Variants in MPP2 observed in about 807,000 individuals in gnomAD.
MPP2 encodes MAGUK p55 subfamily member 2.
A neutral mutation model predicts 58.5 loss-of-function variants in MPP2; 42 were observed. The observed-to-expected ratio is 0.72, with a 90% CI of 0.56 to 0.93. The LOEUF (loss-of-function observed/expected upper bound fraction) is 0.93, where lower values mean the gene tolerates loss of function less well. MPP2 is among the 40% of genes least tolerant of loss of function. The pLI, the probability that MPP2 is intolerant of heterozygous loss-of-function variation, is 0.00. For missense variants in MPP2, 632 were observed against 760.4 expected (o/e 0.83, Z 1.99); for synonymous variants, 300 against 307.8 (o/e 0.97, Z 0.26).
At chr17:43,892,367 T>C (rs2047642611) in intron 3 of MPP2, among the ~76,000 whole-genome samples, 1 of 152,252 alleles carries the variant, frequency 6.6e-6, no homozygotes, top group African/African-American at 2.4e-5. Flanking sequence ...CACAGTGCTT[T>C]GTCTATTAGG....
chr17:43,875,484 G>C lies in MPP2; in HGVS notation c.*2323C>G, dbSNP rs529125731. 1 of 152,424 alleles carries C rather than the reference G, an allele frequency of 6.6e-6. No individual in the cohort carries two copies. Among genetic ancestry groups the C allele is most frequent in the East Asian group, 1.9e-4 (1 of 5,188 alleles). The allele number at this position is 152,424 out of a possible 1,614,324, so 9.4% of individuals were successfully genotyped here. ...GGGCTGGGACTGAATATGGACAGTG[G>C]ATGGTAGGGTCCTCACTCTCTTGAG... On this transcript the variant is annotated 3_prime_UTR_variant, in exon 13 of 13. Transcript: ENST00000269095.
intron 3 of MPP2, among the ~76,000 whole-genome samples, chr17:43,897,616 G>A (rs1447280861): frequency 6.6e-6 from 1 of 152,138 alleles, no homozygotes; most frequent in East Asian, 1.9e-4. Context: ...TACACTTGAG[G>A]CTCAGCCTCA....
At position 43,903,254 on chromosome 17, in the gene MPP2, C is replaced by G. The variant is rs1334444707; in HGVS notation, c.31+1176G>C. 3.6e-5 allele frequency among the ~76,000 whole-genome samples: 5 copies of G among 140,444 alleles called. No homozygotes were observed. In the East Asian group the frequency reaches 1.0e-3, roughly 29 times the overall value. The allele number at this position is 140,444 out of a possible 152,430, so 92.1% of individuals were successfully genotyped here. On this transcript the variant is annotated intron_variant, in intron 2 of 12. Coordinates refer to ENST00000269095, the MANE Select transcript of MPP2 (RefSeq NM_005374.5). ...TCCCACCACTGCCCTCCAGCCTGGG[C>G]AACAGAGGGAGACTCCATCTCAAAA... is the stretch of plus-strand genomic sequence containing the variant.
At chr17:43,909,463 C>A, upstream of MPP2, 1 of 921,964 alleles carries the variant, frequency 1.1e-6, no homozygotes, top group Non-Finnish European at 1.5e-6. Flanking sequence ...GGAAATCACT[C>A]AGCTATTTGT....
At chr17:43,890,054 C>A (rs1402215461) in intron 3 of MPP2, among the ~76,000 whole-genome samples, 1 of 151,882 alleles carries the variant, frequency 6.6e-6, no homozygotes, top group Non-Finnish European at 1.5e-5. Context: ...ACTGGTGATC[C>A]ACCCACCTCG....
chr17:43,889,659 C>T (rs2047516755), intron 3 of MPP2, among the ~76,000 whole-genome samples: 1 of 152,018 alleles, frequency 6.6e-6, no homozygotes, highest in Non-Finnish European at 1.5e-5. Flanking sequence ...CCATGCCCAG[C>T]TGAAAGCACC....
Position 43,880,695 on chromosome 17 carries a change from C to G in MPP2, c.1146G>C (p.Val382=). The part of the protein sequence containing the change: ...MWDPDRYGTT[V]PYTSRRPKDS... ...CAGGGCCCAGCTCCCACTCACAGGGCACCGTGGTGCCATAGCGATCTGGAT... is the reference window on the plus strand; with the variant it reads ...CAGGGCCCAGCTCCCACTCACAGGGGACCGTGGTGCCATAGCGATCTGGAT... Residue 382 remains valine, a synonymous_variant, in exon 10 of 13, where the codon GTG becomes GTC. Coordinates refer to ENST00000269095, the MANE Select transcript of MPP2 (RefSeq NM_005374.5). The surrounding 1 kb of genome is among the most constrained non-coding windows in gnomAD (Gnocchi z 5.2). 1 of 1,607,974 alleles carries G rather than the reference C, an allele frequency of 6.2e-7. No homozygotes were observed. The highest frequency in any genetic ancestry group is 2.2e-5 in the East Asian group (1 of 44,754).
intron 6 of MPP2, 83 bp from the exon 7 acceptor site, chr17:43,881,672 C>A: frequency 6.6e-7 from 1 of 1,521,482 alleles, no homozygotes; most frequent in South Asian, 1.3e-5. Context: ...CCCCTCTTTT[C>A]ACAGAGACTA....
chr17:43,881,658 A>G lies in MPP2; in HGVS notation c.682-69T>C. 6 of 1,558,098 alleles carry G rather than the reference A, an allele frequency of 3.9e-6. No individual in the cohort carries two copies. In the South Asian group the frequency reaches 4.9e-5, roughly 13 times the overall value. ...AAGGCTGCAGGTGGAGGTCTACCCCATGCCCCCTCTTTTCACAGAGACTAA... is the reference window on the plus strand; with the variant it reads ...AAGGCTGCAGGTGGAGGTCTACCCCGTGCCCCCTCTTTTCACAGAGACTAA... On this transcript the variant is annotated intron_variant, in intron 6 of 12. Transcript: ENST00000269095.
chr17:43,881,248 G>A lies in MPP2; in HGVS notation c.915C>T (p.Asn305=), dbSNP rs368052813. The change falls in exon 8 of 13, where the codon AAC becomes AAT. Residue 305 remains asparagine (N), a synonymous_variant. Transcript: ENST00000269095. ...FVKRDLELTP[N]SGTLCGSLSG... ...GGGGTAGGGGGGACCTCCTACCTGA[G>A]TTTGGTGTCAGCTCCAGGTCCCTCT... 2.1e-5 allele frequency: 34 copies of A among 1,614,016 alleles called. No individual in the cohort carries two copies. The African/African-American group carries it at 4.1e-4, about 20-fold the overall frequency.
At chr17:43,886,697 T>C (rs2047383545) in intron 3 of MPP2, among the ~76,000 whole-genome samples, 1 of 152,140 alleles carries the variant, frequency 6.6e-6, no homozygotes, top group African/African-American at 2.4e-5. Context: ...GCTAGCACTG[T>C]ATGAGGGATT....
intron 12 of MPP2, among the ~76,000 whole-genome samples, chr17:43,878,911 T>G (rs1052107354): frequency 1.2e-4 from 19 of 152,040 alleles, no homozygotes; most frequent in Middle Eastern, 3.2e-3. Flanking sequence ...CCTTCAGCTT[T>G]CCCCCAGCTG....
upstream of MPP2, chr17:43,909,595 T>G (rs2048386000): frequency 2.7e-6 from 4 of 1,486,142 alleles, no homozygotes; most frequent in East Asian, 1.0e-4. Flanking sequence ...CTCAGGACAG[T>G]CTGGGATCTC....
Position 43,879,352 on chromosome 17 carries a change from C to T in MPP2, c.1405G>A (p.Glu469Lys), listed in dbSNP as rs777385357. The T allele has an allele frequency of 7.4e-6, 12 of 1,614,000 alleles. 1 individual carries two copies. Among genetic ancestry groups the T allele is most frequent in the African/African-American group, 5.3e-5 (4 of 74,898 alleles). Residue 469 changes from glutamate to lysine, a missense_variant, in exon 12 of 13, where the codon GAG becomes AAG. By Grantham distance (56) the Glu-to-Lys change is moderately conservative. Transcript: ENST00000269095. The surrounding 1 kb of genome is among the most constrained non-coding windows in gnomAD (Gnocchi z 4.1). ...AEFVPYVVFI[E>K]APDFETLRAM... Reference sequence around the variant, plus strand: ...CGCAGGGTCTCGAAGTCTGGGGCCTCGATGAACACCACGTAAGGGACAAAC... The same window carrying T: ...CGCAGGGTCTCGAAGTCTGGGGCCTTGATGAACACCACGTAAGGGACAAAC...
At chr17:43,906,324 T>C (rs1379107529) in intron 1 of MPP2, among the ~76,000 whole-genome samples, 2 of 152,036 alleles carry the variant, frequency 1.3e-5, no homozygotes, top group Non-Finnish European at 2.9e-5. Context: ...CCTGGCTGTG[T>C]CCACAGGAGA....
At position 43,879,649 on chromosome 17, in the gene MPP2, G is replaced by A. The variant is rs2047010572; in HGVS notation, c.1353+133C>T. The A allele has an allele frequency of 7.0e-6, 8 of 1,141,334 alleles. No homozygotes were observed. The highest frequency in any genetic ancestry group is 2.1e-5 in the Admixed American group (1 of 47,540). The allele number at this position is 1,141,334 out of a possible 1,614,324, so 70.7% of individuals were successfully genotyped here. A position where few individuals can be genotyped will look rare whatever the true frequency, so the allele number is the denominator to read the frequency against. On this transcript the variant is annotated intron_variant, in intron 11 of 12. Transcript: ENST00000269095. This position sits in a 1 kb window ranked among gnomAD's most constrained non-coding sequence, Gnocchi z 4.1. ...CTGAGAAAGGTTCCAGGTGGGCTGG[G>A]TTTCTAGCAGTAGTTGAGGGCAAAG...
chr17:43,895,001 G>C (rs1190148850), intron 3 of MPP2, among the ~76,000 whole-genome samples: 1 of 152,118 alleles, frequency 6.6e-6, no homozygotes, highest in Non-Finnish European at 1.5e-5. Flanking sequence ...GGCAAGATAA[G>C]CCAACATTCA....
intron 2 of MPP2, 40 bp from the exon 3 acceptor site, chr17:43,898,420 C>G: frequency 6.7e-7 from 1 of 1,491,002 alleles, no homozygotes; most frequent in Admixed American, 1.7e-5. Flanking sequence ...CAGGTACCAG[C>G]TGGGTACAGA....
intron 3 of MPP2, among the ~76,000 whole-genome samples, chr17:43,895,710 T>A (rs897487074): frequency 6.6e-6 from 1 of 152,176 alleles, no homozygotes; most frequent in Non-Finnish European, 1.5e-5. Context: ...CTATGTTACA[T>A]GAACTGCACT....
Sources: gnomAD v4.1 joint callset for allele counts (sites outside exome capture counted in the v4.1 genomes callset) on GRCh38, gnomAD v4.1.1 for gene constraint, Gnocchi (gnomAD v3.1) non-coding constraint, MANE v1.5 for transcripts, NCBI Gene and HGNC (gene_info 2026-07-23, HGNC 2026-07-21) for gene names.